PDSS2: variants seen among roughly 807,000 people sequenced by gnomAD.
PDSS2 encodes decaprenyl diphosphate synthase subunit 2, also known as all trans-polyprenyl-diphosphate synthase PDSS2.
Under a neutral mutation model 44.5 loss-of-function variants are expected in PDSS2, and 31 were observed. The ratio of observed to expected loss-of-function variants is 0.70; its 90% confidence interval spans 0.52 to 0.94. The LOEUF (loss-of-function observed/expected upper bound fraction) is 0.94. Among genes scored for constraint, PDSS2 ranks in the 40% least tolerant of loss-of-function variants. The pLI, the probability that PDSS2 is intolerant of heterozygous loss-of-function variation, is 0.00. For missense variants in PDSS2, 452 were observed against 482.2 expected (o/e 0.94, Z 0.59); for synonymous variants, 157 against 180.3 (o/e 0.87, Z 1.03).
rs544241997 is a variant in PDSS2, at chr6:107,251,703, G to A, written c.631-6084C>T. On this transcript the variant is annotated intron_variant, in intron 3 of 7. Coordinates refer to ENST00000369037, the MANE Select transcript of PDSS2 (RefSeq NM_020381.4). ...TTTTGAAAGAGCTTTGGAATTTGAA[G>A]GGATATTGTCAAAATTTCTTTTTGA... Among the ~76,000 whole-genome samples the A allele has an allele frequency of 2.0e-5, 3 of 152,212 alleles. No individual in the cohort carries two copies. The South Asian group carries it at 6.2e-4, about 32-fold the overall frequency.
intron 2 of PDSS2, 39 bp downstream of exon 2, chr6:107,334,159 G>T: frequency 1.9e-6 from 3 of 1,579,438 alleles, no homozygotes; most frequent in South Asian, 1.1e-5. Flanking sequence ...AAGAAAACAC[G>T]ATGTAGAGAG....
chr6:107,189,334 AT>A lies in PDSS2; in HGVS notation c.1041+4487del, dbSNP rs1315013427. Among the ~76,000 whole-genome samples the A allele has an allele frequency of 7.3e-5, 11 of 151,090 alleles. No homozygotes were observed. In the East Asian group the frequency reaches 2.0e-3, roughly 27 times the overall value. On this transcript the variant is annotated intron_variant, in intron 7 of 7. Transcript: ENST00000369037. Reference sequence around the variant, plus strand: ...TGTTGGCCACTATACCCAGACATATATTTTTTTTCTTTTTATTTTTTTAGAC... The same window carrying A: ...TGTTGGCCACTATACCCAGACATATATTTTTTTCTTTTTATTTTTTTAGAC...
chr6:107,291,733 C>A (rs1318537122), intron 2 of PDSS2, among the ~76,000 whole-genome samples: 1 of 151,854 alleles, frequency 6.6e-6, no homozygotes, highest in African/African-American at 2.4e-5. Context: ...CAAGTGCCAG[C>A]TGGGCACGGT....
intron 7 of PDSS2, among the ~76,000 whole-genome samples, chr6:107,177,716 T>G (rs1029135950): frequency 6.6e-6 from 1 of 152,170 alleles, no homozygotes; most frequent in African/African-American, 2.4e-5. Context: ...CTGTAAAGCT[T>G]TTTAGCAAAC....
At chr6:107,200,245 A>G (rs773877083) in intron 6 of PDSS2, among the ~76,000 whole-genome samples, 3 of 152,210 alleles carry the variant, frequency 2.0e-5, no homozygotes, top group Non-Finnish European at 4.4e-5. Flanking sequence ...GAAGATGGAT[A>G]TGTTGGGAGC....
intron 4 of PDSS2, among the ~76,000 whole-genome samples, chr6:107,237,441 C>T (rs1194775427): frequency 6.6e-6 from 1 of 151,764 alleles, no homozygotes; most frequent in East Asian, 2.0e-4. Context: ...CGGGGTTTCA[C>T]CATGTTGGTC....
intron 1 of PDSS2, among the ~76,000 whole-genome samples, chr6:107,390,313 C>T (rs886516751): frequency 1.3e-5 from 2 of 151,978 alleles, no homozygotes; most frequent in Non-Finnish European, 2.9e-5. Context: ...AAATGTAGTC[C>T]TGAAATTATG....
chr6:107,458,444 C>G (rs924115476), intron 1 of PDSS2, among the ~76,000 whole-genome samples: 1 of 64,210 alleles, frequency 1.6e-5, no homozygotes, highest in Admixed American at 1.4e-4. Flanking sequence ...TTTTATAAAT[C>G]CTAAAGGCAG....
chr6:107,405,825 C>T (rs1459238917), intron 1 of PDSS2, among the ~76,000 whole-genome samples: 2 of 136,756 alleles, frequency 1.5e-5, no homozygotes, highest in African/African-American at 2.8e-5. Context: ...CCAGCCTGGG[C>T]GACAGAGCGA....
At chr6:107,341,707 C>G (rs918838276) in intron 1 of PDSS2, among the ~76,000 whole-genome samples, 1 of 152,174 alleles carries the variant, frequency 6.6e-6, no homozygotes, top group African/African-American at 2.4e-5. Context: ...AGGCAGAGAA[C>G]TACAACAGTA....
chr6:107,224,131 A>C (rs750743953), intron 4 of PDSS2, among the ~76,000 whole-genome samples: 6 of 151,282 alleles, frequency 4.0e-5, no homozygotes, highest in Admixed American at 6.6e-5. Flanking sequence ...CTAGGTGTGC[A>C]AGGATGAGGT....
At chr6:107,416,654 A>C (rs1005451230) in intron 1 of PDSS2, among the ~76,000 whole-genome samples, 9 of 152,212 alleles carry the variant, frequency 5.9e-5, no homozygotes, top group Non-Finnish European at 1.0e-4. Flanking sequence ...CCTTTAAAAA[A>C]ACTGTTTCCA....
intron 1 of PDSS2, among the ~76,000 whole-genome samples, chr6:107,369,501 AAATC>A (rs1349963968): frequency 1.3e-5 from 2 of 151,438 alleles, no homozygotes; most frequent in Non-Finnish European, 1.5e-5. Context: ...AAATTAACTT[AAATC>A]AATCATAGTC....
At position 107,458,412 on chromosome 6, in the gene PDSS2, C is replaced by CAAAAAAAAAAAAAAAAAAAAAAAAAA. The variant is rs60758453; in HGVS notation, c.296+577_296+578insTTTTTTTTTTTTTTTTTTTTTTTTTT. On this transcript the variant is annotated intron_variant, in intron 1 of 7. Transcript: ENST00000369037. ...TGGGCGACAAAGCGAGACTCCGTCTCAAAAAAAAAAAAAAAAAAAACTTTT... is the reference window on the plus strand; with the variant it reads ...TGGGCGACAAAGCGAGACTCCGTCTCAAAAAAAAAAAAAAAAAAAAAAAAAAAAAAAAAAAAAAAAAAAAAACTTTT... Among the ~76,000 whole-genome samples, 20 of 78,148 alleles carry CAAAAAAAAAAAAAAAAAAAAAAAAAA rather than the reference C, an allele frequency of 2.6e-4. 5 individuals carry two copies. The highest frequency in any genetic ancestry group is 9.0e-4 in the African/African-American group (14 of 15,622). 51.3% of individuals were successfully genotyped at this position (78,148 alleles called of 152,430 possible).
At chr6:107,216,742 C>G (rs1430450327) in intron 4 of PDSS2, among the ~76,000 whole-genome samples, 1 of 151,988 alleles carries the variant, frequency 6.6e-6, no homozygotes, top group Non-Finnish European at 1.5e-5. Context: ...GAAGAGCAGC[C>G]AGGAAAATCT....
intron 6 of PDSS2, among the ~76,000 whole-genome samples, chr6:107,206,090 G>A (rs750125327): frequency 2.0e-5 from 3 of 151,906 alleles, no homozygotes; most frequent in Non-Finnish European, 2.9e-5. Flanking sequence ...TTTTTTGCGG[G>A]GGACAGAATC....
At chr6:107,388,996 G>A (rs919161347) in intron 1 of PDSS2, among the ~76,000 whole-genome samples, 1 of 152,180 alleles carries the variant, frequency 6.6e-6, no homozygotes, top group Non-Finnish European at 1.5e-5. Context: ...CATACTGTAT[G>A]ATTTTATTCA....
At chr6:107,414,493 A>C (rs142533656) in intron 1 of PDSS2, among the ~76,000 whole-genome samples, 1 of 152,386 alleles carries the variant, frequency 6.6e-6, no homozygotes, top group Non-Finnish European at 1.5e-5. Flanking sequence ...GCTTGGCATT[A>C]GCCCCTGCAA....
Position 107,406,844 on chromosome 6 carries a change from C to T in PDSS2, c.296+52146G>A, listed in dbSNP as rs187474409. Among the ~76,000 whole-genome samples the T allele has an allele frequency of 3.0e-3, 458 of 152,318 alleles. 1 individual carries two copies. The highest frequency in any genetic ancestry group is 4.7e-3 in the Admixed American group (72 of 15,298). On this transcript the variant is annotated intron_variant, in intron 1 of 7. Coordinates refer to ENST00000369037, the MANE Select transcript of PDSS2 (RefSeq NM_020381.4). Reference sequence around the variant, plus strand: ...AAGTGGGTAGAATAACATTCATAAACAGCTTCACTAATGTTTAAAGGAAGC... The same window carrying T: ...AAGTGGGTAGAATAACATTCATAAATAGCTTCACTAATGTTTAAAGGAAGC...
Sources: gnomAD v4.1 joint callset for allele counts (sites outside exome capture counted in the v4.1 genomes callset) on GRCh38, gnomAD v4.1.1 for gene constraint, MANE v1.5 for transcripts, NCBI Gene and HGNC (gene_info 2026-07-23, HGNC 2026-07-21) for gene names.